AFDN: variants seen among roughly 807,000 people sequenced by gnomAD.
AFDN encodes afadin, adherens junction formation factor.
A neutral mutation model predicts 216.6 loss-of-function variants in AFDN; 68 were observed. The ratio of observed to expected loss-of-function variants is 0.31; its 90% CI spans 0.26 to 0.38. The LOEUF (loss-of-function observed/expected upper bound fraction) is 0.38. Among genes scored for constraint, AFDN ranks in the 10% least tolerant of loss-of-function variants. The pLI is 1.00. For missense variants in AFDN, 2,136 were observed against 2,342.0 expected (o/e 0.91, Z 1.82); for synonymous variants, 868 against 853.7 (o/e 1.02, Z -0.29).
At chr6:167,942,311 G>A (rs1411465751) in intron 23 of AFDN, among the ~76,000 whole-genome samples, 2 of 152,256 alleles carry the variant, frequency 1.3e-5, no homozygotes, top group East Asian at 1.9e-4. Context: ...TACTCTTACC[G>A]TACAGTGCCT....
chr6:167,892,846 C>T lies in AFDN; in HGVS notation c.1178-1016C>T, dbSNP rs190566046. ...TGTAGGTGTGGAGTAGATCACAGTT[C>T]TGTACTACTTTTCACCAAATATTGG... is the stretch of plus-strand genomic sequence containing the variant. On this transcript the variant is annotated intron_variant, in intron 8 of 33. Coordinates refer to ENST00000683244, the MANE Select transcript of AFDN (RefSeq NM_001386888.1). 3.1e-3 allele frequency among the ~76,000 whole-genome samples: 478 copies of T among 152,154 alleles called. 5 individuals are homozygous for T. Among genetic ancestry groups the T allele is most frequent in the Middle Eastern group, 0.014 (4 of 294 alleles).
At chr6:167,894,419 C>T (rs1355903533) in intron 9 of AFDN, among the ~76,000 whole-genome samples, 5 of 152,156 alleles carry the variant, frequency 3.3e-5, no homozygotes, top group African/African-American at 9.7e-5. Flanking sequence ...TTGTAGAATA[C>T]TTGTTGAGGA....
chr6:167,963,767 C>G, intron 31 of AFDN: 1 of 1,062,280 alleles, frequency 9.4e-7, no homozygotes. Flanking sequence ...GAGTCTTTCA[C>G]TTGTGTAATG....
chr6:167,878,394 A>T (rs1785658053), intron 5 of AFDN, among the ~76,000 whole-genome samples: 1 of 152,114 alleles, frequency 6.6e-6, no homozygotes, highest in African/African-American at 2.4e-5. Context: ...TTAAATAAGG[A>T]GTGTGCCTTC....
chr6:167,909,055 G>A (rs1023759433), intron 13 of AFDN, among the ~76,000 whole-genome samples: 1 of 151,994 alleles, frequency 6.6e-6, no homozygotes, highest in Non-Finnish European at 1.5e-5. Flanking sequence ...AATATAATTG[G>A]TAAAGTTTAC....
At chr6:167,958,864 G>T (rs1796773129) in intron 30 of AFDN, among the ~76,000 whole-genome samples, 1 of 152,202 alleles carries the variant, frequency 6.6e-6, no homozygotes, top group Admixed American at 6.5e-5. Flanking sequence ...CTATCTGGGG[G>T]AAGTCAGACT....
chr6:167,826,876 G>GGGCGGGTGCGGGCGGCGGGC (rs1359837686), upstream of AFDN: 14 of 138,330 alleles, frequency 1.0e-4, no homozygotes, highest in East Asian at 2.0e-4. Context: ...GGCGGGGCGC[G>GGGCGGGTGCGGGCGGCGGGC]GGCGGGTGCG....
intron 23 of AFDN, among the ~76,000 whole-genome samples, chr6:167,933,055 A>T (rs1419139840): frequency 6.6e-6 from 1 of 152,228 alleles, no homozygotes; most frequent in South Asian, 2.1e-4. Flanking sequence ...TTTAAATATG[A>T]TAACTGCCGC....
chr6:167,862,636 A>T (rs1783725069), intron 1 of AFDN, among the ~76,000 whole-genome samples: 1 of 152,232 alleles, frequency 6.6e-6, no homozygotes, highest in African/African-American at 2.4e-5. Flanking sequence ...CGGCCTCCCG[A>T]AGTGCTGGGA....
intron 1 of AFDN, among the ~76,000 whole-genome samples, chr6:167,847,822 C>A (rs1781867389): frequency 1.3e-5 from 2 of 152,128 alleles, no homozygotes; most frequent in South Asian, 4.1e-4. Flanking sequence ...CACTTCTAAA[C>A]CTTAAGTTAA....
At chr6:167,938,344 C>T (rs1312896179) in intron 23 of AFDN, among the ~76,000 whole-genome samples, 1 of 152,146 alleles carries the variant, frequency 6.6e-6, no homozygotes, top group Non-Finnish European at 1.5e-5. Flanking sequence ...ATGCAGGAAG[C>T]TGCTGTGAAT....
In AFDN at chr6:167,957,628, G is replaced by C. The variant is rs572206351; in HGVS notation, c.4834-4805G>C. ...AGGGCTTTTCCTTTATATCGCATGG[G>C]CAAATCCAGGACACCTGGAATTCGT... On this transcript the variant is annotated intron_variant, in intron 30 of 33. Coordinates refer to ENST00000683244, the MANE Select transcript of AFDN (RefSeq NM_001386888.1). Among the ~76,000 whole-genome samples the C allele has an allele frequency of 4.9e-4, 74 of 152,252 alleles. 2 individuals carry two copies. Among genetic ancestry groups the C allele is most frequent in the African/African-American group, 1.7e-3 (72 of 41,554 alleles).
chr6:167,946,818 A>G lies in AFDN; in HGVS notation c.3470A>G (p.Glu1157Gly). Reference sequence around the variant, plus strand: ...GAGAGTCCTCAGCTGCCTTGGGCAGAATATAGTGAACCAAAGAAATTGCCT... The same window carrying G: ...GAGAGTCCTCAGCTGCCTTGGGCAGGATATAGTGAACCAAAGAAATTGCCT... ...SPESPQLPWA[E>G]YSEPKKLPGD... The change falls in exon 27 of 34, where the codon GAA (glutamate) becomes GGA (glycine). Residue 1157 changes from glutamate to glycine, a missense_variant. Coordinates refer to ENST00000683244, the MANE Select transcript of AFDN (RefSeq NM_001386888.1). 1 of 1,613,220 alleles carries G rather than the reference A, an allele frequency of 6.2e-7. No homozygotes were observed. Among genetic ancestry groups the G allele is most frequent in the Non-Finnish European group, 8.5e-7 (1 of 1,179,822 alleles).
chr6:167,923,770 C>T (rs1251506541), intron 22 of AFDN, among the ~76,000 whole-genome samples: 1 of 151,738 alleles, frequency 6.6e-6, no homozygotes, highest in East Asian at 1.9e-4. Flanking sequence ...TTACAGGTGC[C>T]CGCCACCACA....
intron 1 of AFDN, among the ~76,000 whole-genome samples, chr6:167,856,817 A>G (rs550397551): frequency 5.6e-4 from 86 of 152,232 alleles, no homozygotes; most frequent in Middle Eastern, 3.4e-3. Context: ...TTAGTGTCAT[A>G]TATATATGAC....
chr6:167,902,092 C>T (rs1353639933), intron 11 of AFDN, among the ~76,000 whole-genome samples: 1 of 82,184 alleles, frequency 1.2e-5, no homozygotes, highest in Admixed American at 1.2e-4. Flanking sequence ...GACTTCATCT[C>T]AAAAAAAAAA....
At chr6:167,842,292 A>C (rs1223882872) in intron 1 of AFDN, among the ~76,000 whole-genome samples, 1 of 151,620 alleles carries the variant, frequency 6.6e-6, no homozygotes, top group African/African-American at 2.4e-5. Flanking sequence ...TTCTGGAGCT[A>C]TTCTTTCCTT....
At chr6:167,947,822 C>A (rs73034996) in intron 27 of AFDN, 31 bp from the exon 28 acceptor site, 36,999 of 1,396,510 alleles carry the variant, frequency 0.026, 616 homozygotes, top group Non-Finnish European at 0.032. Flanking sequence ...TTTAATATTA[C>A]ACTTTTTTTT....
intron 21 of AFDN, among the ~76,000 whole-genome samples, chr6:167,920,599 A>G (rs984892683): frequency 6.6e-6 from 1 of 152,094 alleles, no homozygotes; most frequent in Non-Finnish European, 1.5e-5. Flanking sequence ...TCTTAAAACC[A>G]TGGTTTGCGG....
Sources: allele counts gnomAD v4.1 joint callset (sites outside exome capture counted in the v4.1 genomes callset), GRCh38; gene constraint gnomAD v4.1.1; transcripts MANE v1.5; gene names NCBI Gene and HGNC (gene_info 2026-07-23, HGNC 2026-07-21).